Variants in FGF12 observed in about 807,000 individuals in gnomAD.
FGF12 encodes the protein fibroblast growth factor 12B.
Under a neutral mutation model 23.6 loss-of-function variants are expected in FGF12, and 14 were observed. The ratio of observed to expected loss-of-function variants is 0.59; its 90% confidence interval spans 0.39 to 0.93. The LOEUF (loss-of-function observed/expected upper bound fraction) is 0.93, where lower values mean the gene tolerates loss of function less well. FGF12 is among the 40% of genes least tolerant of loss of function. FGF12 has a pLI of 0.00. For synonymous variants in FGF12, 62 were observed against 77.3 expected (o/e 0.80, Z 1.04); for missense variants, 175 against 217.8 (o/e 0.80, Z 1.24).
intron 2 of FGF12, among the ~76,000 whole-genome samples, chr3:192,380,659 CCT>C (rs1419630920): frequency 1.4e-4 from 22 of 151,972 alleles, no homozygotes; most frequent in Non-Finnish European, 3.2e-4. Flanking sequence ...AAAACCTGCC[CCT>C]GATTGTCCAA....
At chr3:192,685,429 G>C (rs925886060) in intron 2 of FGF12, among the ~76,000 whole-genome samples, 1 of 152,192 alleles carries the variant, frequency 6.6e-6, no homozygotes, top group Non-Finnish European at 1.5e-5. Context: ...TACTCAACAA[G>C]CATTTGAGTG....
intron 4 of FGF12, among the ~76,000 whole-genome samples, chr3:192,274,567 G>A (rs1436130368): frequency 1.3e-5 from 2 of 149,644 alleles, no homozygotes; most frequent in Non-Finnish European, 3.0e-5. Context: ...AGAAAGAGAG[G>A]AAGAGAGAGG....
At chr3:192,163,051 T>C (rs1320234359) in intron 5 of FGF12, among the ~76,000 whole-genome samples, 1 of 152,126 alleles carries the variant, frequency 6.6e-6, no homozygotes, top group Admixed American at 6.6e-5. Flanking sequence ...TTGAAGCAGG[T>C]GGAATTTATA....
rs1553804997 is a variant in FGF12 at position 192,378,026 on chromosome 3, T to TTTCTCTTC, written c.14-17489_14-17488insGAAGAGAA. Among the ~76,000 whole-genome samples the TTTCTCTTC allele has an allele frequency of 8.1e-4, 56 of 69,444 alleles. 9 individuals carry two copies. The highest frequency in any genetic ancestry group is 4.0e-3 in the African/African-American group (54 of 13,528). 45.6% of individuals were successfully genotyped at this position (69,444 alleles called of 152,430 possible). On this transcript the variant is annotated intron_variant, in intron 2 of 5. Coordinates refer to ENST00000445105, the MANE Select transcript of FGF12 (RefSeq NM_004113.6). ...GAGATCCCTTTCTTCTGACTCTTTC[T>TTTCTCTTC]TTTCTTTCTTTCTTTCTTTCTTTCT...
chr3:192,266,166 A>C (rs1225952651), intron 4 of FGF12, among the ~76,000 whole-genome samples: 1 of 152,176 alleles, frequency 6.6e-6, no homozygotes, highest in African/African-American at 2.4e-5. Context: ...AGGTTAAATT[A>C]GTTGCTCCCT....
At chr3:192,664,229 T>C (rs944430093) in intron 2 of FGF12, among the ~76,000 whole-genome samples, 1 of 152,096 alleles carries the variant, frequency 6.6e-6, no homozygotes, top group African/African-American at 2.4e-5. Flanking sequence ...TGAAGAGACA[T>C]TATAATCCAA....
chr3:192,522,704 C>CA (rs1408781714), intron 2 of FGF12, among the ~76,000 whole-genome samples: 1 of 152,162 alleles, frequency 6.6e-6, no homozygotes, highest in Non-Finnish European at 1.5e-5. Flanking sequence ...ACTAATCTAT[C>CA]AATAAGGAAC....
chr3:192,483,282 GC>G (rs1408377046), intron 2 of FGF12, among the ~76,000 whole-genome samples: 8 of 151,928 alleles, frequency 5.3e-5, no homozygotes, highest in African/African-American at 1.7e-4. Flanking sequence ...CAGTTCAAAT[GC>G]CCCCTCTTTC....
intron 4 of FGF12, among the ~76,000 whole-genome samples, chr3:192,323,411 C>T (rs979618108): frequency 5.3e-5 from 8 of 152,158 alleles, no homozygotes; most frequent in African/African-American, 1.7e-4. Context: ...TCATCTGCAA[C>T]AACATTGATA....
At chr3:192,518,861 TTA>T (rs975692603) in intron 2 of FGF12, among the ~76,000 whole-genome samples, 1 of 152,190 alleles carries the variant, frequency 6.6e-6, no homozygotes, top group African/African-American at 2.4e-5. Context: ...TTGTTCTTTT[TTA>T]TTTCTTTTTC....
chr3:192,167,769 A>ATATATCTATATAT (rs1553845519), intron 5 of FGF12, among the ~76,000 whole-genome samples: 1 of 38,864 alleles, frequency 2.6e-5, no homozygotes, highest in Non-Finnish European at 4.0e-5. Context: ...ATATATATAT[A>ATATATCTATATAT]AAATTTTTTT....
intron 4 of FGF12, among the ~76,000 whole-genome samples, chr3:192,291,441 G>C (rs74863911): frequency 2.6e-5 from 4 of 151,978 alleles, no homozygotes; most frequent in African/African-American, 9.7e-5. Flanking sequence ...AAATTAGCTG[G>C]GTGTGGTGGC....
chr3:192,562,343 A>C (rs1012364702), intron 2 of FGF12, among the ~76,000 whole-genome samples: 1 of 152,228 alleles, frequency 6.6e-6, no homozygotes, highest in Non-Finnish European at 1.5e-5. Flanking sequence ...ACAAAACTCA[A>C]TAAATTACAC....
intron 2 of FGF12, among the ~76,000 whole-genome samples, chr3:192,663,303 A>G (rs562324282): frequency 1.3e-5 from 2 of 152,374 alleles, no homozygotes; most frequent in East Asian, 3.9e-4. Context: ...ATTTTCCTAC[A>G]GACATTAATG....
At chr3:192,683,068 G>A (rs1367544460) in intron 2 of FGF12, among the ~76,000 whole-genome samples, 1 of 152,166 alleles carries the variant, frequency 6.6e-6, no homozygotes, top group Non-Finnish European at 1.5e-5. Flanking sequence ...CCTAATAATA[G>A]AACTATAATC....
intron 4 of FGF12, among the ~76,000 whole-genome samples, chr3:192,291,434 T>C (rs1577324679): frequency 6.6e-6 from 1 of 151,956 alleles, no homozygotes; most frequent in African/African-American, 2.4e-5. Context: ...ATAAACAAAA[T>C]TAGCTGGGTG....
intron 2 of FGF12, among the ~76,000 whole-genome samples, chr3:192,458,113 A>T (rs1576994204): frequency 6.6e-6 from 1 of 152,146 alleles, no homozygotes; most frequent in South Asian, 2.1e-4. Context: ...ATTTCAGAAG[A>T]TGTATGGAAA....
Position 192,297,254 on chromosome 3 carries a change from A to G in FGF12, c.228+38107T>C, listed in dbSNP as rs561119367. Among the ~76,000 whole-genome samples, 372 of 152,324 alleles carry G rather than the reference A, an allele frequency of 2.4e-3. 1 individual carries two copies. Among genetic ancestry groups the G allele is most frequent in the Non-Finnish European group, 4.2e-3 (285 of 68,034 alleles). On this transcript the variant is annotated intron_variant, in intron 4 of 5. Coordinates refer to ENST00000445105, the MANE Select transcript of FGF12 (RefSeq NM_004113.6). Reference sequence around the variant, plus strand: ...TCACTTTTCTGGAAATATGCTATGAAGCAAAAATTTTAAAAATTAAAAACG... The same window carrying G: ...TCACTTTTCTGGAAATATGCTATGAGGCAAAAATTTTAAAAATTAAAAACG...
intron 2 of FGF12, among the ~76,000 whole-genome samples, chr3:192,518,515 T>C (rs1290930620): frequency 1.3e-5 from 2 of 152,300 alleles, no homozygotes; most frequent in South Asian, 2.1e-4. Context: ...AATTAATCAG[T>C]ATATTTATCT....
Sources: gnomAD v4.1 joint callset for allele counts (sites outside exome capture counted in the v4.1 genomes callset) on GRCh38, gnomAD v4.1.1 for gene constraint, MANE v1.5 for transcripts, NCBI Gene and HGNC (gene_info 2026-07-23, HGNC 2026-07-21) for gene names.